The following GPC6 variants were observed in gnomAD, a reference collection of about 807,000 sequenced individuals.
GPC6 encodes glypican 6.
Under a neutral mutation model 55.2 loss-of-function variants are expected in GPC6, and 14 were observed. The observed-to-expected ratio is 0.25, with a 90% confidence interval of 0.17 to 0.40. GPC6 has a LOEUF of 0.40. Ranked by LOEUF, GPC6 falls within the 10% of genes least tolerant of loss-of-function variation. The pLI is 1.00. For missense variants in GPC6, 641 were observed against 708.5 expected (o/e 0.90, Z 1.08); for synonymous variants, 278 against 259.6 (o/e 1.07, Z -0.68).
chr13:94,382,229 G>C (rs1880188241), intron 6 of GPC6, among the ~76,000 whole-genome samples, 185 bp from the exon 7 acceptor site: 3 of 152,294 alleles, frequency 2.0e-5, no homozygotes, highest in Middle Eastern at 3.4e-3. Context: ...GGAGGACTGA[G>C]GGAGAGGAAA....
intron 6 of GPC6, among the ~76,000 whole-genome samples, chr13:94,339,389 C>T (rs1307736769): frequency 6.6e-6 from 1 of 152,020 alleles, no homozygotes; most frequent in Non-Finnish European, 1.5e-5. Flanking sequence ...CTTTCCTAAT[C>T]ACTCCCTTCC....
intron 1 of GPC6, among the ~76,000 whole-genome samples, chr13:93,271,626 G>T (rs991970079): frequency 2.6e-5 from 4 of 152,072 alleles, no homozygotes; most frequent in East Asian, 1.9e-4. Context: ...TCTTGAGGAC[G>T]ATCAAGTGAG....
At chr13:93,222,348 A>G (rs555237412), upstream of GPC6, among the ~76,000 whole-genome samples, 121 of 152,254 alleles carry the variant, frequency 7.9e-4, no homozygotes, top group African/African-American at 2.8e-3. Flanking sequence ...TTTTATGTCC[A>G]CTCATTCTTC....
chr13:93,916,591 A>G (rs1877305772), intron 3 of GPC6, among the ~76,000 whole-genome samples: 1 of 152,182 alleles, frequency 6.6e-6, no homozygotes, highest in South Asian at 2.1e-4. Context: ...CTGTTAATAT[A>G]GTTGAAATAA....
At chr13:93,748,930 T>C (rs1446379024) in intron 2 of GPC6, among the ~76,000 whole-genome samples, 1 of 152,056 alleles carries the variant, frequency 6.6e-6, no homozygotes, top group Admixed American at 6.6e-5. Flanking sequence ...TAGACTACGC[T>C]GTCTTCTTAA....
chr13:94,076,529 G>A (rs1884920467), intron 4 of GPC6, among the ~76,000 whole-genome samples: 1 of 151,836 alleles, frequency 6.6e-6, no homozygotes, highest in Non-Finnish European at 1.5e-5. Context: ...TGTGCTTTGG[G>A]TTTGATATCC....
intron 4 of GPC6, among the ~76,000 whole-genome samples, chr13:94,113,913 T>G (rs1260264473): frequency 6.6e-6 from 1 of 150,586 alleles, no homozygotes; most frequent in African/African-American, 2.5e-5. Flanking sequence ...TCCCAGCTAC[T>G]TGGAAGGCTG....
chr13:94,351,481 G>A (rs1878540242), intron 6 of GPC6, among the ~76,000 whole-genome samples: 3 of 152,036 alleles, frequency 2.0e-5, no homozygotes, highest in East Asian at 1.9e-4. Flanking sequence ...CTTGAATAAC[G>A]GAGGCCTCCA....
At chr13:93,416,721 G>A (rs1469774885) in intron 1 of GPC6, among the ~76,000 whole-genome samples, 1 of 151,876 alleles carries the variant, frequency 6.6e-6, no homozygotes, top group Admixed American at 6.6e-5. Flanking sequence ...CCCAGCCTCT[G>A]GTAACCATCC....
intron 2 of GPC6, among the ~76,000 whole-genome samples, chr13:93,696,203 G>A (rs1278508706): frequency 6.6e-6 from 1 of 152,034 alleles, no homozygotes; most frequent in Non-Finnish European, 1.5e-5. Flanking sequence ...CTTTTCAACT[G>A]GCAAATTGTG....
chr13:93,563,338 C>T (rs1456247207), intron 2 of GPC6, among the ~76,000 whole-genome samples: 20 of 152,050 alleles, frequency 1.3e-4, no homozygotes, highest in Admixed American at 1.2e-3. Flanking sequence ...CCACCAACAG[C>T]GATCCAACCA....
At chr13:93,727,219 A>G (rs1283445937) in intron 2 of GPC6, among the ~76,000 whole-genome samples, 1 of 152,170 alleles carries the variant, frequency 6.6e-6, no homozygotes, top group Non-Finnish European at 1.5e-5. Context: ...AATATTTTCC[A>G]CTAAAATATA....
At chr13:93,562,729 T>C (rs1183966786) in intron 2 of GPC6, among the ~76,000 whole-genome samples, 2 of 152,172 alleles carry the variant, frequency 1.3e-5, no homozygotes, top group African/African-American at 4.8e-5. Flanking sequence ...ATATTCAAAT[T>C]CTTGTAGATA....
At chr13:94,265,855 T>C (rs1891785884) in intron 4 of GPC6, among the ~76,000 whole-genome samples, 1 of 152,172 alleles carries the variant, frequency 6.6e-6, no homozygotes, top group Admixed American at 6.5e-5. Context: ...ACATACATGA[T>C]TTATATTATC....
chr13:94,142,698 A>G (rs1566459365), intron 4 of GPC6, among the ~76,000 whole-genome samples: 1 of 152,132 alleles, frequency 6.6e-6, no homozygotes, highest in Non-Finnish European at 1.5e-5. Flanking sequence ...CTTACAGAAT[A>G]TTATCTATAT....
At chr13:93,700,525 T>C (rs943184927) in intron 2 of GPC6, among the ~76,000 whole-genome samples, 7 of 152,262 alleles carry the variant, frequency 4.6e-5, no homozygotes, top group Non-Finnish European at 8.8e-5. Flanking sequence ...TGATTCTTGC[T>C]GCTCCTGTCT....
chr13:94,176,301 G>A (rs79687160), intron 4 of GPC6, among the ~76,000 whole-genome samples: 2,056 of 152,168 alleles, frequency 0.014, 44 homozygotes, highest in African/African-American at 0.047. Context: ...ATTCGAAGAC[G>A]TGGAATAGGA....
intron 3 of GPC6, among the ~76,000 whole-genome samples, chr13:93,978,328 T>C (rs1880615697): frequency 6.6e-6 from 1 of 152,188 alleles, no homozygotes; most frequent in Non-Finnish European, 1.5e-5. Context: ...TGTTTTGTTT[T>C]ATGCCACTGA....
chr13:94,358,116 C>A (rs1878885009), intron 6 of GPC6, among the ~76,000 whole-genome samples: 1 of 151,574 alleles, frequency 6.6e-6, no homozygotes, highest in Non-Finnish European at 1.5e-5. Context: ...ATGGTGAAAC[C>A]CCATCTCTAC....
Sources: gnomAD v4.1 joint callset for allele counts (sites outside exome capture counted in the v4.1 genomes callset) on GRCh38, gnomAD v4.1.1 for gene constraint, MANE v1.5 for transcripts, NCBI Gene and HGNC (gene_info 2026-07-23, HGNC 2026-07-21) for gene names.